Variants in RAB3C observed in about 807,000 individuals in gnomAD.
RAB3C encodes the protein ras-related protein Rab-3C.
Under a neutral mutation model 26.4 loss-of-function variants are expected in RAB3C, and 17 were observed. The observed-to-expected ratio is 0.64, with a 90% CI of 0.44 to 0.97. RAB3C has a LOEUF of 0.97. RAB3C is among the 50% of genes least tolerant of loss of function. The pLI is 0.00. For missense variants in RAB3C, 242 were observed against 281.9 expected (o/e 0.86, Z 1.01); for synonymous variants, 91 against 95.9 (o/e 0.95, Z 0.30).
rs567780022 is a variant in RAB3C, at chr5:58,637,577, G to A, written c.252+19707G>A. ...CCAAAATTAATATATTCCTTTGAAA[G>A]ATAAAAATTTTTAAAAGGAAAGGTG... is the stretch of plus-strand genomic sequence containing the variant. On this transcript the variant is annotated intron_variant, in intron 2 of 4. Coordinates refer to ENST00000282878, the MANE Select transcript of RAB3C (RefSeq NM_138453.4). 1.3e-4 allele frequency among the ~76,000 whole-genome samples: 20 copies of A among 152,152 alleles called. No homozygotes were observed. In the South Asian group the frequency reaches 3.7e-3, roughly 28 times the overall value.
chr5:58,845,612 A>ATATATATGTGTGTGTGTGTGTG, intron 4 of RAB3C, among the ~76,000 whole-genome samples: 1 of 81,724 alleles, frequency 1.2e-5, no homozygotes, highest in Non-Finnish European at 2.4e-5. Flanking sequence ...ATATATATAT[A>ATATATATGTGTGTGTGTGTGTG]TGTGTGTGTG....
intron 2 of RAB3C, among the ~76,000 whole-genome samples, chr5:58,679,388 A>G (rs1281977996): frequency 6.6e-6 from 1 of 152,190 alleles, no homozygotes; most frequent in Non-Finnish European, 1.5e-5. Context: ...TTAATTGTGA[A>G]TACTCTGAAA....
chr5:58,816,636 T>C (rs1310846149), intron 3 of RAB3C, among the ~76,000 whole-genome samples: 1 of 152,156 alleles, frequency 6.6e-6, no homozygotes, highest in Non-Finnish European at 1.5e-5. Context: ...GTAATTTGCG[T>C]TTTACTTAAA....
At chr5:58,696,087 GATACGTTCCATCA>G (rs1748691441) in intron 2 of RAB3C, among the ~76,000 whole-genome samples, 1 of 152,160 alleles carries the variant, frequency 6.6e-6, no homozygotes, top group Non-Finnish European at 1.5e-5. Flanking sequence ...ATTATTTTGA[GATACGTTCCATCA>G]ATACTTAGTT....
intron 3 of RAB3C, among the ~76,000 whole-genome samples, chr5:58,824,329 A>G (rs1257798664): frequency 8.6e-6 from 1 of 115,708 alleles, no homozygotes; most frequent in East Asian, 2.0e-4. Flanking sequence ...CTAAGTTCCA[A>G]AATCAAAAGT....
intron 3 of RAB3C, among the ~76,000 whole-genome samples, chr5:58,732,111 TA>T (rs1250012972): frequency 1.4e-4 from 20 of 145,830 alleles, no homozygotes; most frequent in Non-Finnish European, 2.6e-4. Context: ...TTTTTTTTTT[TA>T]AATTATACTT....
chr5:58,753,008 G>T (rs1324553766), intron 3 of RAB3C, among the ~76,000 whole-genome samples: 1 of 151,488 alleles, frequency 6.6e-6, no homozygotes. Flanking sequence ...AGAATGAAAA[G>T]GAATTATTAA....
rs973817711 is a variant in RAB3C, at chr5:58,854,541, A to G, written c.*3190A>G. ...ATGTTAGCATCGCATCTACATGCTCATAAGAGGAATTGCTTCAGGACAATG... is the reference window on the plus strand; with the variant it reads ...ATGTTAGCATCGCATCTACATGCTCGTAAGAGGAATTGCTTCAGGACAATG... On this transcript the variant is annotated 3_prime_UTR_variant, in exon 5 of 5. Coordinates refer to ENST00000282878, the MANE Select transcript of RAB3C (RefSeq NM_138453.4). The G allele has an allele frequency of 1.3e-5, 2 of 152,250 alleles. No individual in the cohort carries two copies. The highest frequency in any genetic ancestry group is 4.8e-5 in the African/African-American group (2 of 41,480). 9.4% of individuals were successfully genotyped at this position (152,250 alleles called of 1,614,324 possible).
At chr5:58,702,092 G>C (rs1329704743) in intron 2 of RAB3C, among the ~76,000 whole-genome samples, 1 of 152,004 alleles carries the variant, frequency 6.6e-6, no homozygotes, top group Non-Finnish European at 1.5e-5. Flanking sequence ...AAATTTTTCT[G>C]ATCTCAACCT....
At chr5:58,742,887 T>A (rs1741307170) in intron 3 of RAB3C, among the ~76,000 whole-genome samples, 1 of 152,018 alleles carries the variant, frequency 6.6e-6, no homozygotes, top group Non-Finnish European at 1.5e-5. Context: ...CTTTTTTTAA[T>A]TTTTTTTAAT....
At chr5:58,748,677 C>A (rs961587706) in intron 3 of RAB3C, among the ~76,000 whole-genome samples, 2 of 151,990 alleles carry the variant, frequency 1.3e-5, no homozygotes, top group African/African-American at 4.8e-5. Flanking sequence ...ATAATATGTC[C>A]TAGATATTCC....
At chr5:58,800,516 A>T (rs1466333457) in intron 3 of RAB3C, among the ~76,000 whole-genome samples, 1 of 152,118 alleles carries the variant, frequency 6.6e-6, no homozygotes, top group Non-Finnish European at 1.5e-5. Flanking sequence ...GGTGTTTTTT[A>T]ATGTTTAAGC....
chr5:58,690,286 C>A (rs1748542514), intron 2 of RAB3C, among the ~76,000 whole-genome samples: 1 of 152,000 alleles, frequency 6.6e-6, no homozygotes, highest in Non-Finnish European at 1.5e-5. Context: ...ATTCCTGTTT[C>A]AGTTATTTAT....
intron 3 of RAB3C, among the ~76,000 whole-genome samples, chr5:58,808,086 G>A (rs1041750084): frequency 4.6e-5 from 7 of 151,788 alleles, no homozygotes; most frequent in Admixed American, 1.3e-4. Flanking sequence ...TTAGCCAGGC[G>A]TAGTGGTGGG....
intron 2 of RAB3C, among the ~76,000 whole-genome samples, chr5:58,685,147 T>C (rs972348195): frequency 6.6e-6 from 1 of 152,164 alleles, no homozygotes; most frequent in Non-Finnish European, 1.5e-5. Context: ...TACCAAAGGA[T>C]GACTGTCTAT....
chr5:58,696,239 A>G (rs912201590), intron 2 of RAB3C, among the ~76,000 whole-genome samples: 1 of 152,196 alleles, frequency 6.6e-6, no homozygotes, highest in Non-Finnish European at 1.5e-5. Context: ...TGATTAGCAT[A>G]TGTTGAACCA....
At chr5:58,688,776 A>T (rs191568456) in intron 2 of RAB3C, among the ~76,000 whole-genome samples, 6 of 152,294 alleles carry the variant, frequency 3.9e-5, no homozygotes, top group African/African-American at 1.4e-4. Context: ...CGTATCTTAG[A>T]TTATTAATAC....
At chr5:58,798,895 C>T (rs1742737484) in intron 3 of RAB3C, among the ~76,000 whole-genome samples, 1 of 152,144 alleles carries the variant, frequency 6.6e-6, no homozygotes, top group Non-Finnish European at 1.5e-5. Flanking sequence ...CAACTTGCCA[C>T]AACTAGCTTG....
At chr5:58,774,140 T>C (rs188955179) in intron 3 of RAB3C, among the ~76,000 whole-genome samples, 236 of 152,230 alleles carry the variant, frequency 1.6e-3, no homozygotes, top group South Asian at 3.3e-3. Context: ...ACCTGAGACA[T>C]AGTATGTTGA....
Sources: gnomAD v4.1 joint callset for allele counts (sites outside exome capture counted in the v4.1 genomes callset) on GRCh38, gnomAD v4.1.1 for gene constraint, MANE v1.5 for transcripts, NCBI Gene and HGNC (gene_info 2026-07-23, HGNC 2026-07-21) for gene names.